The following ITK variants were observed in gnomAD, a reference collection of about 807,000 sequenced individuals.
ITK encodes IL2 inducible T cell kinase, also known as tyrosine-protein kinase ITK/TSK.
A neutral mutation model predicts 87.6 loss-of-function variants in ITK; 45 were observed. The ratio of observed to expected loss-of-function variants is 0.51; its 90% CI spans 0.40 to 0.66. The LOEUF (loss-of-function observed/expected upper bound fraction) is 0.66. ITK is among the 30% of genes least tolerant of loss of function. The pLI, the probability that ITK is intolerant of heterozygous loss-of-function variation, is 0.00. For synonymous variants in ITK, 303 were observed against 273.6 expected, an observed-to-expected ratio of 1.11 and a Z score of -1.06; for missense variants, 605 against 766.3, an observed-to-expected ratio of 0.79 and a Z score of 2.48.
chr5:157,223,168 A>C (rs1754460887), intron 6 of ITK, among the ~76,000 whole-genome samples, 154 bp downstream of exon 6: 1 of 152,164 alleles, frequency 6.6e-6, no homozygotes, highest in Admixed American at 6.5e-5. Context: ...AAGAGGAAGT[A>C]GTTGAGGCTC....
chr5:157,215,939 G>A lies in ITK; in HGVS notation c.454+1620G>A, dbSNP rs17654125. ...TGTGACTGAGGTGCTAGGGACATCTGAATGACTCACCAGAATGCCAGTGGG... is the reference window on the plus strand; with the variant it reads ...TGTGACTGAGGTGCTAGGGACATCTAAATGACTCACCAGAATGCCAGTGGG... On this transcript the variant is annotated intron_variant, in intron 4 of 16. Transcript: ENST00000422843. Among the ~76,000 whole-genome samples, 253 of 152,300 alleles carry A rather than the reference G, an allele frequency of 1.7e-3. 2 individuals are homozygous for A. Among genetic ancestry groups the A allele is most frequent in the South Asian group, 0.016 (76 of 4,820 alleles).
At chr5:157,246,776 A>T (rs572490412) in intron 15 of ITK, among the ~76,000 whole-genome samples, 3 of 152,246 alleles carry the variant, frequency 2.0e-5, no homozygotes, top group African/African-American at 7.2e-5. Context: ...TGACAGAGGG[A>T]CCAGCAAGTG....
At chr5:157,230,415 A>G (rs74756510) in intron 7 of ITK, among the ~76,000 whole-genome samples, 1,704 of 152,352 alleles carry the variant, frequency 0.011, 28 homozygotes, top group African/African-American at 0.038. Context: ...GACACCTATT[A>G]ACGCATTAGG....
chr5:157,224,511 C>T (rs1280021020), intron 6 of ITK: 1 of 152,150 alleles, frequency 6.6e-6, no homozygotes, highest in Non-Finnish European at 1.5e-5. Context: ...CGCAGTGGCT[C>T]AGGCCTGTAA....
chr5:157,240,654 C>T (rs1011317395), intron 10 of ITK: 2 of 204,620 alleles, frequency 9.8e-6, no homozygotes, highest in Non-Finnish European at 2.0e-5. Flanking sequence ...TTTTAGGGAG[C>T]CCTCAGGAAG....
chr5:157,194,337 G>A (rs1311396804), intron 1 of ITK, among the ~76,000 whole-genome samples: 1 of 152,160 alleles, frequency 6.6e-6, no homozygotes, highest in Non-Finnish European at 1.5e-5. Context: ...TAAACCTGAG[G>A]ATCTGTTCCT....
intron 1 of ITK, among the ~76,000 whole-genome samples, chr5:157,208,626 G>A (rs1488106939): frequency 2.6e-5 from 4 of 152,156 alleles, no homozygotes; most frequent in Non-Finnish European, 5.9e-5. Context: ...TGTCACAAGG[G>A]CAGTGGGGTA....
intron 4 of ITK, among the ~76,000 whole-genome samples, chr5:157,217,250 G>A (rs1276636634): frequency 6.6e-6 from 1 of 152,134 alleles, no homozygotes; most frequent in Non-Finnish European, 1.5e-5. Flanking sequence ...AGAGAGAGGA[G>A]AGCTAAACAG....
At chr5:157,188,370 C>T (rs1753686829) in intron 1 of ITK, among the ~76,000 whole-genome samples, 1 of 152,156 alleles carries the variant, frequency 6.6e-6, no homozygotes, top group Admixed American at 6.5e-5. Context: ...ACCCTTCATC[C>T]TGTGGTCCCA....
chr5:157,222,773 G>A, intron 5 of ITK, 90 bp from the exon 6 acceptor site: 5 of 1,282,386 alleles, frequency 3.9e-6, no homozygotes, highest in Non-Finnish European at 4.5e-6. Flanking sequence ...CCAGAGGAAG[G>A]CAGACTGTCT....
rs748855930 is a variant in ITK at position 157,253,623 on chromosome 5, C to T, written c.*945C>T. ...TTCCAGCCTCTGGGAATCAGCCCCC[C>T]CTCTCTGCACTATCCGATCCTCATC... On this transcript the variant is annotated 3_prime_UTR_variant, in exon 17 of 17. Transcript: ENST00000422843. The T allele has an allele frequency of 2.6e-5, 6 of 227,928 alleles. No homozygotes were observed. The highest frequency in any genetic ancestry group is 6.2e-5 in the East Asian group (1 of 16,024). The allele number at this position is 227,928 out of a possible 1,614,324, so 14.1% of individuals were successfully genotyped here. A position where few individuals can be genotyped will look rare whatever the true frequency, so the allele number is the denominator to read the frequency against.
chr5:157,183,446 C>G (rs140542785), intron 1 of ITK, among the ~76,000 whole-genome samples: 121 of 152,142 alleles, frequency 8.0e-4, no homozygotes, highest in African/African-American at 2.8e-3. Flanking sequence ...TTTGGCAGAT[C>G]GAATATCAGA....
chr5:157,244,195 CATA>C, intron 12 of ITK, 64 bp from the exon 13 acceptor site: 3 of 1,231,202 alleles, frequency 2.4e-6, no homozygotes, highest in South Asian at 2.4e-5. Flanking sequence ...ATTTTGGTAC[CATA>C]ATATTTTCGG....
intron 8 of ITK, among the ~76,000 whole-genome samples, chr5:157,235,857 C>T (rs1754765663): frequency 6.6e-6 from 1 of 152,228 alleles, no homozygotes; most frequent in Admixed American, 6.5e-5. Flanking sequence ...ACTCCTAACA[C>T]AACCAACATG....
chr5:157,213,194 A>G (rs1434344444), intron 3 of ITK, among the ~76,000 whole-genome samples: 1 of 152,182 alleles, frequency 6.6e-6, no homozygotes, highest in Non-Finnish European at 1.5e-5. Flanking sequence ...GGCAGGACAG[A>G]GAATGACAGA....
chr5:157,220,667 C>G (rs770737988), intron 5 of ITK, among the ~76,000 whole-genome samples: 2 of 152,142 alleles, frequency 1.3e-5, no homozygotes, highest in East Asian at 3.9e-4. Flanking sequence ...CTTCCTGAGC[C>G]CACAGACTCA....
intron 1 of ITK, among the ~76,000 whole-genome samples, chr5:157,185,700 C>T (rs958299901): frequency 8.7e-5 from 13 of 148,960 alleles, no homozygotes; most frequent in Non-Finnish European, 1.9e-4. Context: ...AAAAAAAAGC[C>T]AGATGTGGTG....
At chr5:157,211,424 T>C in intron 3 of ITK, 56 bp downstream of exon 3, 2 of 1,388,478 alleles carry the variant, frequency 1.4e-6, no homozygotes, top group Non-Finnish European at 2.1e-6. Context: ...ATAGTAGGGT[T>C]GGGTTCCACA....
intron 5 of ITK, among the ~76,000 whole-genome samples, chr5:157,220,840 A>T (rs1043409923): frequency 6.6e-6 from 1 of 152,196 alleles, no homozygotes; most frequent in Non-Finnish European, 1.5e-5. Context: ...ACAATTTTTT[A>T]AAATTAAAGT....
Sources: allele counts gnomAD v4.1 joint callset (sites outside exome capture counted in the v4.1 genomes callset), GRCh38; gene constraint gnomAD v4.1.1; transcripts MANE v1.5; gene names NCBI Gene and HGNC (gene_info 2026-07-23, HGNC 2026-07-21).